FOXN3: variants seen among roughly 807,000 people sequenced by gnomAD.
FOXN3 encodes the protein forkhead box N3, also known as forkhead box protein N3.
In FOXN3, 7 loss-of-function variants were observed where a neutral mutation model predicts 38.4. The ratio of observed to expected loss-of-function variants is 0.18; its 90% CI spans 0.10 to 0.34. The LOEUF (loss-of-function observed/expected upper bound fraction) is 0.34, where lower values mean the gene tolerates loss of function less well. Among genes scored for constraint, FOXN3 ranks in the 10% least tolerant of loss-of-function variants. The pLI, the probability that FOXN3 is intolerant of heterozygous loss-of-function variation, is 1.00. For missense variants in FOXN3, 456 were observed against 613.4 expected, an observed-to-expected ratio of 0.74 and a Z score of 2.71; for synonymous variants, 230 against 242.2, an observed-to-expected ratio of 0.95 and a Z score of 0.47.
chr14:89,360,141 C>T (rs1160815259), intron 2 of FOXN3, among the ~76,000 whole-genome samples: 2 of 152,114 alleles, frequency 1.3e-5, no homozygotes, highest in Non-Finnish European at 2.9e-5. Flanking sequence ...GCACACTGGC[C>T]TTGCGTTTCT....
At chr14:89,166,659 CA>C (rs1887250039) in intron 5 of FOXN3, among the ~76,000 whole-genome samples, 1 of 152,216 alleles carries the variant, frequency 6.6e-6, no homozygotes, top group Non-Finnish European at 1.5e-5. Context: ...AACAGGTACA[CA>C]GACATAACTT....
intron 3 of FOXN3, among the ~76,000 whole-genome samples, chr14:89,313,136 G>A (rs889829752): frequency 4.6e-5 from 7 of 152,162 alleles, no homozygotes; most frequent in Non-Finnish European, 1.0e-4. Context: ...GGGTGCAAAG[G>A]TCTAAGTCTC....
chr14:89,477,923 C>T (rs1893244653), intron 1 of FOXN3, among the ~76,000 whole-genome samples: 1 of 152,044 alleles, frequency 6.6e-6, no homozygotes. Flanking sequence ...CTGGATCTGG[C>T]CTGATGACCC....
At chr14:89,611,572 C>A (rs950285547) in intron 1 of FOXN3, among the ~76,000 whole-genome samples, 2 of 152,098 alleles carry the variant, frequency 1.3e-5, no homozygotes, top group South Asian at 2.1e-4. Flanking sequence ...TTTGGGAGGC[C>A]AAGGCGGGCG....
intron 3 of FOXN3, among the ~76,000 whole-genome samples, chr14:89,297,538 C>T (rs1223977613): frequency 1.4e-5 from 2 of 140,820 alleles, no homozygotes; most frequent in African/African-American, 5.3e-5. Context: ...CCAGCCTGGG[C>T]AACAGAGCAA....
intron 1 of FOXN3, among the ~76,000 whole-genome samples, chr14:89,594,081 G>A (rs981280180): frequency 6.6e-6 from 1 of 152,200 alleles, no homozygotes; most frequent in African/African-American, 2.4e-5. Flanking sequence ...TTGTGTGTGT[G>A]CACACAAGTA....
intron 3 of FOXN3, among the ~76,000 whole-genome samples, chr14:89,292,082 C>A (rs1006805455): frequency 2.0e-5 from 3 of 152,176 alleles, no homozygotes; most frequent in African/African-American, 7.2e-5. Flanking sequence ...CTTTTCTAAA[C>A]GAAGGACATG....
intron 2 of FOXN3, among the ~76,000 whole-genome samples, chr14:89,400,912 T>C (rs1891228214): frequency 6.6e-6 from 1 of 152,066 alleles, no homozygotes; most frequent in Admixed American, 6.5e-5. Context: ...ACCCTGTCCA[T>C]GGAAGGAACT....
intron 1 of FOXN3, among the ~76,000 whole-genome samples, chr14:89,448,175 ATTTG>A (rs1892546866): frequency 6.6e-6 from 1 of 152,096 alleles, no homozygotes; most frequent in African/African-American, 2.4e-5. Context: ...CACTTTTCAT[ATTTG>A]TTTCTTAGAA....
At chr14:89,283,995 G>T (rs1389523047) in intron 3 of FOXN3, among the ~76,000 whole-genome samples, 2 of 152,018 alleles carry the variant, frequency 1.3e-5, no homozygotes, top group Non-Finnish European at 2.9e-5. Context: ...TGGGTAGCTG[G>T]GATTACAGGC....
intron 1 of FOXN3, among the ~76,000 whole-genome samples, chr14:89,481,226 C>A (rs1893320796): frequency 6.6e-6 from 1 of 151,960 alleles, no homozygotes; most frequent in Non-Finnish European, 1.5e-5. Flanking sequence ...GAGTTTTACT[C>A]CACCCTAGAT....
intron 2 of FOXN3, among the ~76,000 whole-genome samples, chr14:89,390,874 C>T (rs939679001): frequency 6.6e-6 from 1 of 152,116 alleles, no homozygotes; most frequent in Non-Finnish European, 1.5e-5. Context: ...CCAGTTTCTC[C>T]CACAGTTCCT....
In FOXN3 at chr14:89,371,219, G is replaced by C. The variant is rs538187214; in HGVS notation, c.544-20411C>G. ...GAAAGGCCAGCTCTGTCCTCTTCCT[G>C]CCCGAAAGTGGCCCGGGGAGGAAGG... On this transcript the variant is annotated intron_variant, in intron 2 of 5. Transcript: ENST00000557258. 1.6e-3 allele frequency among the ~76,000 whole-genome samples: 237 copies of C among 152,258 alleles called. 1 individual carries two copies. The highest frequency in any genetic ancestry group is 5.4e-3 in the African/African-American group (226 of 41,556).
intron 3 of FOXN3, among the ~76,000 whole-genome samples, chr14:89,286,194 G>A (rs571275225): frequency 2.0e-5 from 3 of 152,094 alleles, no homozygotes; most frequent in South Asian, 2.1e-4. Flanking sequence ...GGAGTAGGGA[G>A]GGAAGAAGGG....
rs577874635 is a variant in FOXN3, at chr14:89,505,019, T to C, written c.-14-92529A>G. Among the ~76,000 whole-genome samples, 11 of 152,264 alleles carry C rather than the reference T, an allele frequency of 7.2e-5. No homozygotes were observed. In the South Asian group the frequency reaches 1.9e-3, roughly 26 times the overall value. Reference sequence around the variant, plus strand: ...ATGATCTCCATCCTGGTCAGCGAAATACAGCATACGGTGGGATAAAGGATT... The same window carrying C: ...ATGATCTCCATCCTGGTCAGCGAAACACAGCATACGGTGGGATAAAGGATT... On this transcript the variant is annotated intron_variant, in intron 1 of 6. Transcript: ENST00000345097.
chr14:89,517,132 C>T (rs1246431825), intron 1 of FOXN3, among the ~76,000 whole-genome samples: 1 of 152,102 alleles, frequency 6.6e-6, no homozygotes, highest in East Asian at 1.9e-4. Flanking sequence ...CACCTGAGGG[C>T]CAGGTTCTCC....
intron 3 of FOXN3, among the ~76,000 whole-genome samples, chr14:89,344,935 C>T (rs1419093012): frequency 1.3e-5 from 2 of 152,112 alleles, no homozygotes; most frequent in Non-Finnish European, 2.9e-5. Flanking sequence ...TGGACTTTTC[C>T]GAAGAGGTAC....
chr14:89,479,640 T>C (rs757891363), intron 1 of FOXN3, among the ~76,000 whole-genome samples: 4 of 152,202 alleles, frequency 2.6e-5, no homozygotes, highest in Admixed American at 6.5e-5. Context: ...ACAGAAATGA[T>C]TGTAACAACC....
At chr14:89,200,719 C>T (rs917820149) in intron 4 of FOXN3, among the ~76,000 whole-genome samples, 3 of 152,194 alleles carry the variant, frequency 2.0e-5, no homozygotes, top group Non-Finnish European at 2.9e-5. Context: ...GTCACATTCC[C>T]GAATCTGTGA....
Sources: gnomAD v4.1 joint callset for allele counts (sites outside exome capture counted in the v4.1 genomes callset) on GRCh38, gnomAD v4.1.1 for gene constraint, MANE v1.5 for transcripts, NCBI Gene and HGNC (gene_info 2026-07-23, HGNC 2026-07-21) for gene names.